SLCO1C1: variants seen among roughly 807,000 people sequenced by gnomAD.
SLCO1C1 encodes the protein solute carrier organic anion transporter family member 1C1, also known as OAT-RP-5.
Under a neutral mutation model 76.4 loss-of-function variants are expected in SLCO1C1, and 70 were observed. The observed-to-expected ratio is 0.92, with a 90% CI of 0.76 to 1.12. The LOEUF (loss-of-function observed/expected upper bound fraction) is 1.12. Among genes scored for constraint, SLCO1C1 ranks in the 50% most tolerant of loss-of-function variants. The probability of loss-of-function intolerance (pLI) is 0.00; values close to 1 mark genes in which losing one functional copy is unlikely to be tolerated. For synonymous variants in SLCO1C1, 306 were observed against 286.1 expected, an observed-to-expected ratio of 1.07 and a Z score of -0.70; for missense variants, 912 against 823.8, an observed-to-expected ratio of 1.11 and a Z score of -1.31.
At chr12:20,699,395 T>C (rs1050551872) in intron 1 of SLCO1C1, among the ~76,000 whole-genome samples, 157 bp from the exon 2 acceptor site, 3 of 152,084 alleles carry the variant, frequency 2.0e-5, no homozygotes, top group African/African-American at 7.2e-5. Context: ...GATATCCTGG[T>C]TGATTTTAAT....
At chr12:20,704,516 A>G (rs1946684303) in intron 3 of SLCO1C1, among the ~76,000 whole-genome samples, 1 of 151,806 alleles carries the variant, frequency 6.6e-6, no homozygotes, top group Admixed American at 6.6e-5. Context: ...TAAATTTCAA[A>G]TGAGACATCT....
Position 20,705,923 on chromosome 12 carries a change from A to C in SLCO1C1, c.272-26A>C, listed in dbSNP as rs552667648. 1.9e-6 allele frequency: 3 copies of C among 1,608,914 alleles called. No individual in the cohort carries two copies. In the East Asian group the frequency reaches 6.7e-5, roughly 36 times the overall value. ...GACTTCTTTCTAAGTTCTCTAATTTATGATGTTTTATTCTTTTCCTCAAAG... is the reference window on the plus strand; with the variant it reads ...GACTTCTTTCTAAGTTCTCTAATTTCTGATGTTTTATTCTTTTCCTCAAAG... On this transcript the variant is annotated intron_variant, in intron 3 of 14. Transcript: ENST00000266509.
chr12:20,711,294 C>A, intron 4 of SLCO1C1, 92 bp from the exon 5 acceptor site: 5 of 1,408,766 alleles, frequency 3.5e-6, no homozygotes, highest in South Asian at 1.4e-5. Flanking sequence ...GCAAGCTCAA[C>A]CTGGTACCCT....
intron 9 of SLCO1C1, among the ~76,000 whole-genome samples, chr12:20,726,294 C>A (rs547262241): frequency 2.9e-4 from 43 of 150,714 alleles, no homozygotes; most frequent in South Asian, 8.4e-4. Flanking sequence ...GATCTTCCTG[C>A]AATAAAATAT....
At position 20,715,266 on chromosome 12, in the gene SLCO1C1, C is replaced by A. The variant is rs781012417; in HGVS notation, c.657C>A (p.Asp219Glu). 2.5e-6 allele frequency: 4 copies of A among 1,614,030 alleles called. No individual in the cohort carries two copies. The highest frequency in any genetic ancestry group is 3.4e-6 in the Non-Finnish European group (4 of 1,179,918). The change falls in exon 6 of 15, where the codon GAC becomes GAA. Residue 219 changes from aspartate (D) to glutamate (E), a missense_variant. Physicochemically the swap from Asp to Glu is conservative, Grantham distance 45 (BLOSUM62 2). Coordinates refer to ENST00000266509, the MANE Select transcript of SLCO1C1 (RefSeq NM_017435.5). ...ACCTGGATGATTTTGCCAGTGAAGA[C>A]AATGCAGCTTTCTATATTGGTAATA... ...IAYLDDFASE[D>E]NAAFYIGCVQ...
At chr12:20,751,756 T>C (rs1414249670) in intron 14 of SLCO1C1, among the ~76,000 whole-genome samples, 2 of 152,180 alleles carry the variant, frequency 1.3e-5, no homozygotes, top group African/African-American at 4.8e-5. Flanking sequence ...TACCTTAGCA[T>C]CTTCTGACAA....
chr12:20,752,296 C>T lies in SLCO1C1; in HGVS notation c.1917-10C>T. On this transcript the variant is annotated splice_polypyrimidine_tract_variant and intron_variant, in intron 14 of 14. Coordinates refer to ENST00000266509, the MANE Select transcript of SLCO1C1 (RefSeq NM_017435.5). ...GCATTAATTATAACAGAGATTCTCT[C>T]TTCTTCTAGACATATATATCTGGGA... 1 of 1,496,370 alleles carries T rather than the reference C, an allele frequency of 6.7e-7. No homozygotes were observed. Among genetic ancestry groups the T allele is most frequent in the Non-Finnish European group, 9.0e-7 (1 of 1,109,228 alleles). 92.7% of individuals were successfully genotyped at this position (1,496,370 alleles called of 1,614,324 possible). A position where few individuals can be genotyped will look rare whatever the true frequency, so the allele number is the denominator to read the frequency against.
rs1947311271 is a variant in SLCO1C1, at chr12:20,715,287, T to TAATATTGGC, written c.676+4_676+12dup. 1.1e-5 allele frequency: 17 copies of TAATATTGGC among 1,613,566 alleles called. No homozygotes were observed. In the South Asian group the frequency reaches 1.8e-4, roughly 17 times the overall value. On this transcript the variant is annotated splice_region_variant and intron_variant, in intron 6 of 14. Coordinates refer to ENST00000266509, the MANE Select transcript of SLCO1C1 (RefSeq NM_017435.5). The stretch of plus-strand genomic sequence containing the variant: ...AAGACAATGCAGCTTTCTATATTGG[T>TAATATTGGC]AATATTGGCATATTGCTTCACTTAT...
At chr12:20,737,423 C>T (rs577685555) in intron 11 of SLCO1C1, 151 bp downstream of exon 11, 29 of 779,594 alleles carry the variant, frequency 3.7e-5, no homozygotes, top group Admixed American at 4.1e-5. Context: ...AATGTTATAA[C>T]CATTCCTAGT....
intron 3 of SLCO1C1, 111 bp downstream of exon 3, chr12:20,701,570 A>ATATT: frequency 6.8e-6 from 5 of 735,722 alleles, no homozygotes; most frequent in South Asian, 5.4e-5. Context: ...TATTCATAAA[A>ATATT]TCTTTTTTTT....
chr12:20,717,235 G>C lies in SLCO1C1; in HGVS notation c.775+5G>C. On this transcript the variant is annotated splice_donor_5th_base_variant and intron_variant, in intron 7 of 14. Transcript: ENST00000266509. ...ACATTGGCTTTGTAAACCTAGGTAA[G>C]GAAGTTTATTTTTTATTTATTCATG... is the stretch of plus-strand genomic sequence containing the variant. 1 of 1,576,246 alleles carries C rather than the reference G, an allele frequency of 6.3e-7. No homozygotes were observed. Among genetic ancestry groups the C allele is most frequent in the Non-Finnish European group, 8.6e-7 (1 of 1,167,392 alleles).
At chr12:20,712,981 A>G (rs1947189762) in intron 5 of SLCO1C1, among the ~76,000 whole-genome samples, 1 of 152,202 alleles carries the variant, frequency 6.6e-6, no homozygotes, top group Non-Finnish European at 1.5e-5. Flanking sequence ...TAAAAATATA[A>G]CAGATAATAA....
chr12:20,741,536 T>C (rs1284986567), intron 12 of SLCO1C1, among the ~76,000 whole-genome samples: 1 of 152,156 alleles, frequency 6.6e-6, no homozygotes, highest in Non-Finnish European at 1.5e-5. Flanking sequence ...GTCAGAATTG[T>C]ATAACAACTA....
At chr12:20,738,419 T>C (rs1210397676) in intron 11 of SLCO1C1, among the ~76,000 whole-genome samples, 1 of 152,106 alleles carries the variant, frequency 6.6e-6, no homozygotes, top group African/African-American at 2.4e-5. Context: ...ATGTATCTCA[T>C]TTATTTATAT....
At chr12:20,720,565 G>A (rs1947613171) in intron 7 of SLCO1C1, among the ~76,000 whole-genome samples, 2 of 152,178 alleles carry the variant, frequency 1.3e-5, no homozygotes, top group African/African-American at 4.8e-5. Flanking sequence ...GAAAGAAATT[G>A]ATTTCAGCCC....
At position 20,740,368 on chromosome 12, in the gene SLCO1C1, G is replaced by A. The variant is rs1948747440; in HGVS notation, c.1733G>A (p.Arg578Lys). 2 of 1,608,120 alleles carry A rather than the reference G, an allele frequency of 1.2e-6. No individual in the cohort carries two copies. Among genetic ancestry groups the A allele is most frequent in the South Asian group, 1.1e-5 (1 of 89,696 alleles). Residue 578 changes from arginine to lysine, a missense_variant and splice_region_variant, in exon 12 of 15, where the codon AGG (arginine) becomes AAG (lysine). Arg to Lys is a conservative substitution (Grantham distance 26). Coordinates refer to ENST00000266509, the MANE Select transcript of SLCO1C1 (RefSeq NM_017435.5). ...GGIPGYILLL[R>K]CIKPQLKSFA... is the part of the protein sequence containing the mutation. ...ATACCTGGATACATATTACTTCTGA[G>A]GTGAGTACTGATTCTCCCTATTCTA...
chr12:20,730,265 C>T (rs929767052), intron 9 of SLCO1C1, among the ~76,000 whole-genome samples: 5 of 152,026 alleles, frequency 3.3e-5, no homozygotes, highest in Admixed American at 1.3e-4. Context: ...TTGTGGAAGG[C>T]ATTCATAGTC....
At chr12:20,749,102 T>C (rs1307290058) in intron 13 of SLCO1C1, among the ~76,000 whole-genome samples, 1 of 152,194 alleles carries the variant, frequency 6.6e-6, no homozygotes, top group Non-Finnish European at 1.5e-5. Context: ...AACCTTTACA[T>C]AGAAAATATT....
intron 4 of SLCO1C1, 35 bp from the exon 5 acceptor site, chr12:20,711,351 G>T: frequency 6.3e-7 from 1 of 1,599,804 alleles, no homozygotes; most frequent in Non-Finnish European, 8.5e-7. Context: ...TGATGTTAAT[G>T]AGTCTATCAT....
Sources: allele counts gnomAD v4.1 joint callset (sites outside exome capture counted in the v4.1 genomes callset), GRCh38; gene constraint gnomAD v4.1.1; transcripts MANE v1.5; gene names NCBI Gene and HGNC (gene_info 2026-07-23, HGNC 2026-07-21).